NEDD4: variants seen among roughly 807,000 people sequenced by gnomAD.
The protein encoded by NEDD4 is E3 ubiquitin-protein ligase NEDD4.
In NEDD4, 99 loss-of-function variants were observed where a neutral mutation model predicts 144.9. The observed-to-expected ratio is 0.68, with a 90% confidence interval of 0.58 to 0.81. NEDD4 has a LOEUF of 0.81. Among genes scored for constraint, NEDD4 ranks in the 30% least tolerant of loss-of-function variants. NEDD4 has a pLI of 0.00. For missense variants in NEDD4, 985 were observed against 1,065.9 expected (o/e 0.92, Z 1.06); for synonymous variants, 318 against 350.6 (o/e 0.91, Z 1.04).
intron 12 of NEDD4, among the ~76,000 whole-genome samples, chr15:55,855,195 A>T (rs1325284685): frequency 1.3e-5 from 2 of 152,194 alleles, no homozygotes; most frequent in Non-Finnish European, 2.9e-5. Context: ...TTAGACAGAT[A>T]ACCCACTCAT....
chr15:55,936,045 C>T (rs1175875530), intron 4 of NEDD4, among the ~76,000 whole-genome samples: 2 of 151,938 alleles, frequency 1.3e-5, no homozygotes, highest in Non-Finnish European at 1.5e-5. Flanking sequence ...ATGATTAAAG[C>T]TAATCAGTGT....
rs374086309 is a variant in NEDD4 at position 55,935,024 on chromosome 15, A to C, written c.238-10325T>G. 6.6e-5 allele frequency among the ~76,000 whole-genome samples: 10 copies of C among 151,802 alleles called. No individual in the cohort carries two copies. The East Asian group carries it at 1.9e-3, about 29-fold the overall frequency. On this transcript the variant is annotated intron_variant, in intron 4 of 28. Transcript: ENST00000435532. The stretch of plus-strand genomic sequence containing the variant: ...GCTGTAATTAGAGGCACCCACCACC[A>C]TGCCTGGCTAATTTTGCATTTTTAG...
At chr15:55,838,361 A>T in intron 22 of NEDD4, 148 bp downstream of exon 22, 1 of 728,646 alleles carries the variant, frequency 1.4e-6, no homozygotes, top group South Asian at 1.8e-5. Context: ...AATGTTAAAG[A>T]AAGTACAAAT....
At chr15:55,865,197 C>CAA (rs34140490) in intron 8 of NEDD4, among the ~76,000 whole-genome samples, 855 of 84,306 alleles carry the variant, frequency 0.01, 20 homozygotes, top group Middle Eastern at 0.03. Flanking sequence ...GACTCTGTCT[C>CAA]AAAAAAAAAA....
intron 5 of NEDD4, among the ~76,000 whole-genome samples, chr15:55,913,028 G>C (rs1191122401): frequency 1.3e-5 from 2 of 152,106 alleles, no homozygotes; most frequent in Admixed American, 1.3e-4. Flanking sequence ...GTTGATTACA[G>C]TAAGCTAGAA....
chr15:55,990,419 C>G (rs1382374404), intron 1 of NEDD4, among the ~76,000 whole-genome samples: 2 of 152,114 alleles, frequency 1.3e-5, no homozygotes. Context: ...ATCACCAGAA[C>G]TGATGACTTC....
intron 2 of NEDD4, among the ~76,000 whole-genome samples, chr15:55,958,296 T>C (rs1479735032): frequency 6.6e-6 from 1 of 152,214 alleles, no homozygotes; most frequent in African/African-American, 2.4e-5. Flanking sequence ...ATGTGTTTTT[T>C]CTACTTTACT....
intron 5 of NEDD4, among the ~76,000 whole-genome samples, chr15:55,885,880 G>A (rs948690371): frequency 1.3e-5 from 2 of 151,088 alleles, no homozygotes. Context: ...CAGACTAAAC[G>A]CTCCAATCAA....
chr15:55,899,745 A>G (rs1488215910), intron 5 of NEDD4, among the ~76,000 whole-genome samples: 2 of 152,216 alleles, frequency 1.3e-5, no homozygotes, highest in Admixed American at 6.5e-5. Flanking sequence ...AACTTTCTGT[A>G]CTGATGGAAA....
chr15:55,884,376 A>G (rs2035311518), intron 5 of NEDD4, among the ~76,000 whole-genome samples: 1 of 152,182 alleles, frequency 6.6e-6, no homozygotes, highest in African/African-American at 2.4e-5. Context: ...CTAACTTTTC[A>G]ATGTCCAGAC....
intron 4 of NEDD4, among the ~76,000 whole-genome samples, chr15:55,940,499 C>T (rs1292650924): frequency 3.1e-5 from 4 of 127,334 alleles, no homozygotes; most frequent in African/African-American, 1.2e-4. Context: ...CTCCCTCCTT[C>T]CTCCTTCCCT....
intron 5 of NEDD4, among the ~76,000 whole-genome samples, chr15:55,914,925 G>T (rs1349326868): frequency 6.6e-6 from 1 of 151,974 alleles, no homozygotes; most frequent in Admixed American, 6.6e-5. Context: ...CTACACAAAA[G>T]AATACTATAT....
At chr15:55,840,028 ATATATATATATAT>A (rs1566901252) in intron 21 of NEDD4, among the ~76,000 whole-genome samples, 25 of 83,586 alleles carry the variant, frequency 3.0e-4, no homozygotes, top group Admixed American at 5.6e-4. Flanking sequence ...ATATATATAT[ATATATATATATAT>A]AACATTCATC....
At chr15:55,939,602 G>A (rs371011003) in intron 4 of NEDD4, among the ~76,000 whole-genome samples, 16 of 152,046 alleles carry the variant, frequency 1.1e-4, no homozygotes, top group Admixed American at 4.6e-4. Context: ...ATGTAAAAAG[G>A]TGCTCAAAAA....
At chr15:55,885,347 A>G (rs1358614520) in intron 5 of NEDD4, among the ~76,000 whole-genome samples, 4 of 152,174 alleles carry the variant, frequency 2.6e-5, no homozygotes, top group South Asian at 2.1e-4. Flanking sequence ...AGCAACAGGA[A>G]ATTATCTGAA....
chr15:55,889,584 T>C (rs933833598), intron 5 of NEDD4, among the ~76,000 whole-genome samples: 27 of 151,880 alleles, frequency 1.8e-4, no homozygotes, highest in Admixed American at 1.0e-3. Flanking sequence ...GGTAGTGGGG[T>C]AGGGAGAAGT....
chr15:55,966,159 C>T (rs2037509290), intron 2 of NEDD4, among the ~76,000 whole-genome samples: 1 of 152,170 alleles, frequency 6.6e-6, no homozygotes. Flanking sequence ...CAGGTTGCTG[C>T]TTTTTGTATT....
At chr15:55,964,518 A>G (rs2037476869) in intron 2 of NEDD4, among the ~76,000 whole-genome samples, 1 of 151,970 alleles carries the variant, frequency 6.6e-6, no homozygotes, top group South Asian at 2.1e-4. Context: ...TTTAAAATTT[A>G]TTGTGGCCAT....
intron 12 of NEDD4, among the ~76,000 whole-genome samples, 174 bp from the exon 13 acceptor site, chr15:55,852,717 A>G (rs1250375067): frequency 1.8e-5 from 2 of 109,274 alleles, no homozygotes; most frequent in Non-Finnish European, 4.0e-5. Flanking sequence ...ATATATATAT[A>G]TATATATTTA....
Sources: gnomAD v4.1 joint callset for allele counts (sites outside exome capture counted in the v4.1 genomes callset) on GRCh38, gnomAD v4.1.1 for gene constraint, MANE v1.5 for transcripts, NCBI Gene and HGNC (gene_info 2026-07-23, HGNC 2026-07-21) for gene names.